PLXNA4: variants seen among roughly 807,000 people sequenced by gnomAD.
PLXNA4 encodes the protein plexin A4.
PLXNA4 carries 44 observed loss-of-function variants against 191.8 expected under a neutral mutation model. The observed-to-expected ratio is 0.23, with a 90% CI of 0.18 to 0.29. The LOEUF is 0.29. PLXNA4 is among the 10% of genes least tolerant of loss of function. The pLI is 1.00. For synonymous variants in PLXNA4, 1,082 were observed against 1,009.5 expected, an observed-to-expected ratio of 1.07 and a Z score of -1.36; for missense variants, 1,800 against 2,488.8, an observed-to-expected ratio of 0.72 and a Z score of 5.89.
intron 3 of PLXNA4, among the ~76,000 whole-genome samples, chr7:132,320,129 ACT>A (rs1802105597): frequency 6.6e-6 from 1 of 152,252 alleles, no homozygotes; most frequent in South Asian, 2.1e-4. Context: ...ACACAAACAA[ACT>A]CTGAAAACCC....
At chr7:132,498,494 G>A (rs902777315) in intron 2 of PLXNA4, among the ~76,000 whole-genome samples, 6 of 152,182 alleles carry the variant, frequency 3.9e-5, no homozygotes, top group South Asian at 4.2e-4. Flanking sequence ...TCACTATCAC[G>A]AAAACAGCAC....
intron 3 of PLXNA4, among the ~76,000 whole-genome samples, chr7:132,301,660 C>T (rs1424596): frequency 0.5 from 76,708 of 152,022 alleles, 20,540 homozygotes; most frequent in African/African-American, 0.66. Flanking sequence ...TCCTTCAAGA[C>T]GTCAAAGGAG....
At position 132,146,601 on chromosome 7, in the gene PLXNA4, A is replaced by C; in HGVS notation, c.4964T>G (p.Val1655Gly). The change falls in exon 28 of 32, where the codon GTG (valine) becomes GGG (glycine). Residue 1655 changes from valine to glycine, a missense_variant. Val to Gly is a moderately radical substitution (Grantham distance 109). This residue lies in a region of PLXNA4 where 214 missense variants were observed against 298.2 expected (regional missense o/e 0.72). Coordinates refer to ENST00000321063, the MANE Select transcript of PLXNA4 (RefSeq NM_020911.2). ...LESGVKMWHL[V>G]KNHEHGDQKE... ...CTGGTCTCCGTGCTCGTGGTTCTTCACTAGGTGCCACATCTTGACTCCACT... is the reference window on the plus strand; with the variant it reads ...CTGGTCTCCGTGCTCGTGGTTCTTCCCTAGGTGCCACATCTTGACTCCACT... The C allele has an allele frequency of 1.9e-6, 3 of 1,613,992 alleles. No homozygotes were observed. The highest frequency in any genetic ancestry group is 2.5e-6 in the Non-Finnish European group (3 of 1,180,002).
rs1043378720 is a variant in PLXNA4, at chr7:132,386,654, C to T, written c.1372-88432G>A. Among the ~76,000 whole-genome samples the T allele has an allele frequency of 3.9e-5, 6 of 152,148 alleles. No homozygotes were observed. In the South Asian group the frequency reaches 6.2e-4, roughly 16 times the overall value. ...TAGTCAGCCTTTCCTGGCATACCCC[C>T]GGTACGTTAAACCGTCGTCTGAAAT... On this transcript the variant is annotated intron_variant, in intron 3 of 31. Coordinates refer to ENST00000321063, the MANE Select transcript of PLXNA4 (RefSeq NM_020911.2).
chr7:132,311,155 A>ATT, intron 3 of PLXNA4, among the ~76,000 whole-genome samples: 2 of 88,074 alleles, frequency 2.3e-5, no homozygotes, highest in African/African-American at 9.1e-5. Flanking sequence ...ATCTAGGATA[A>ATT]TTGTGTGTGT....
At chr7:132,132,478 C>CTTTCTATTCTATTCTATTCTAT (rs1563048426) in intron 31 of PLXNA4, among the ~76,000 whole-genome samples, 2 of 62,592 alleles carry the variant, frequency 3.2e-5, no homozygotes, top group East Asian at 5.2e-4. Flanking sequence ...CTCTGCTCTG[C>CTTTCTATTCTATTCTATTCTAT]TCTGCTCTGC....
intron 3 of PLXNA4, among the ~76,000 whole-genome samples, chr7:132,398,842 C>A (rs1793865252): frequency 6.6e-6 from 1 of 152,154 alleles, no homozygotes; most frequent in African/African-American, 2.4e-5. Flanking sequence ...CATGATGCCC[C>A]TTTGCCAAGT....
rs140244883 is a variant in PLXNA4, at chr7:132,465,883, G to A, written c.1371+23409C>T. On this transcript the variant is annotated intron_variant, in intron 3 of 31. Transcript: ENST00000321063. The stretch of plus-strand genomic sequence containing the variant: ...GAGACCCATCTGTGTTTTTCAAAAC[G>A]CATTTTTAGAAAAAGAGGAGGCTAG... 6.4e-3 allele frequency among the ~76,000 whole-genome samples: 968 copies of A among 152,278 alleles called. 6 individuals are homozygous for A. Among genetic ancestry groups the A allele is most frequent in the Non-Finnish European group, 0.01 (705 of 68,018 alleles).
intron 3 of PLXNA4, among the ~76,000 whole-genome samples, chr7:132,426,044 C>G (rs1795030767): frequency 6.6e-6 from 1 of 152,210 alleles, no homozygotes; most frequent in Admixed American, 6.5e-5. Flanking sequence ...TGGCACAGGG[C>G]AGTTTCTGGT....
intron 2 of PLXNA4, among the ~76,000 whole-genome samples, chr7:132,611,202 T>G (rs1265345639): frequency 6.6e-6 from 1 of 152,254 alleles, no homozygotes; most frequent in African/African-American, 2.4e-5. Context: ...GTGTGGTGTT[T>G]GCGAACTTAA....
In PLXNA4 at chr7:132,542,762, A is replaced by G. The variant is rs574482709; in HGVS notation, c.-87+33660T>C. On this transcript the variant is annotated intron_variant, in intron 1 of 31. Transcript: ENST00000321063. ...TAATTATCTCTTCAGCTATTTCTAA[A>G]TTATTTAAAATACATCCATTGAATT... 1.2e-4 allele frequency among the ~76,000 whole-genome samples: 18 copies of G among 152,288 alleles called. No individual in the cohort carries two copies. The South Asian group carries it at 3.3e-3, about 28-fold the overall frequency.
chr7:132,398,769 G>A (rs573543656), intron 3 of PLXNA4, among the ~76,000 whole-genome samples: 1 of 152,298 alleles, frequency 6.6e-6, no homozygotes, highest in South Asian at 2.1e-4. Context: ...CCGACCTAAT[G>A]AGCACAGTGG....
At chr7:132,272,913 G>T (rs904679610) in intron 4 of PLXNA4, among the ~76,000 whole-genome samples, 1 of 151,960 alleles carries the variant, frequency 6.6e-6, no homozygotes, top group Non-Finnish European at 1.5e-5. Context: ...TATTCACTTC[G>T]GTTGTCACAC....
At position 132,508,655 on chromosome 7, in the gene PLXNA4, G is replaced by T; in HGVS notation, c.39C>A (p.Ser13=). Residue 13 remains serine, a synonymous_variant, in exon 2 of 32, where the codon TCC becomes TCA. Coordinates refer to ENST00000321063, the MANE Select transcript of PLXNA4 (RefSeq NM_020911.2). The surrounding 1 kb of genome is among the most constrained non-coding windows in gnomAD (Gnocchi z 4.4). ...AGCCCATGCCCACCATGAGGAGGTGGGAGAGAAGGCAGGTCCAGTTCCAGG... is the reference window on the plus strand; with the variant it reads ...AGCCCATGCCCACCATGAGGAGGTGTGAGAGAAGGCAGGTCCAGTTCCAGG... ...AMPWNWTCLL[S]HLLMVGMGSS... 6.3e-7 allele frequency: 1 copy of T among 1,575,018 alleles called. No individual in the cohort carries two copies. Among genetic ancestry groups the T allele is most frequent in the East Asian group, 2.3e-5 (1 of 43,648 alleles).
At chr7:132,610,537 C>G (rs1414970228) in intron 2 of PLXNA4, among the ~76,000 whole-genome samples, 2 of 152,198 alleles carry the variant, frequency 1.3e-5, no homozygotes, top group African/African-American at 4.8e-5. Context: ...CAGACCATAG[C>G]TAGAATACAG....
At chr7:132,144,836 T>G (rs1214475810) in intron 29 of PLXNA4, among the ~76,000 whole-genome samples, 1 of 152,202 alleles carries the variant, frequency 6.6e-6, no homozygotes, top group Non-Finnish European at 1.5e-5. Context: ...CATATTTTTC[T>G]TGCTTCTTCA....
chr7:132,178,945 GCA>G (rs553708028), intron 20 of PLXNA4, among the ~76,000 whole-genome samples: 19 of 101,948 alleles, frequency 1.9e-4, no homozygotes, highest in Non-Finnish European at 3.2e-4. Context: ...ACACACACGT[GCA>G]CACACACACA....
intron 3 of PLXNA4, chr7:132,384,001 C>T: frequency 2.0e-6 from 2 of 985,434 alleles, no homozygotes; most frequent in Non-Finnish European, 1.2e-6. Context: ...GTGCACATGG[C>T]CTGTTACAAA....
intron 15 of PLXNA4, 139 bp downstream of exon 15, chr7:132,187,332 T>C: frequency 1.5e-6 from 2 of 1,378,158 alleles, no homozygotes; most frequent in Non-Finnish European, 1.9e-6. Context: ...ATTGGCTCTA[T>C]CTGTGCAGCT....
Sources: gnomAD v4.1 joint callset for allele counts (sites outside exome capture counted in the v4.1 genomes callset) on GRCh38, gnomAD v4.1.1 for gene constraint, gnomAD v4.1.1 regional missense constraint, Gnocchi (gnomAD v3.1) non-coding constraint, MANE v1.5 for transcripts, NCBI Gene and HGNC (gene_info 2026-07-23, HGNC 2026-07-21) for gene names.